WDPCP: variants seen among roughly 807,000 people sequenced by gnomAD.
WDPCP encodes WD repeat containing planar cell polarity effector.
In WDPCP, 71 loss-of-function variants were observed where a neutral mutation model predicts 93.1. The ratio of observed to expected loss-of-function variants is 0.76; its 90% CI spans 0.63 to 0.93. The LOEUF (loss-of-function observed/expected upper bound fraction) is 0.93, where lower values mean the gene tolerates loss of function less well. WDPCP is among the 40% of genes least tolerant of loss of function. WDPCP has a pLI of 0.00. For synonymous variants in WDPCP, 315 were observed against 315.0 expected (o/e 1.00, Z 0.00); for missense variants, 844 against 887.4 (o/e 0.95, Z 0.62).
At chr2:63,787,283 A>T (rs868046325) in intron 2 of WDPCP, among the ~76,000 whole-genome samples, 1 of 152,236 alleles carries the variant, frequency 6.6e-6, no homozygotes, top group African/African-American at 2.4e-5. Context: ...AGAGACAGGC[A>T]TCCAAGACAA....
intron 9 of WDPCP, among the ~76,000 whole-genome samples, chr2:63,406,768 G>T (rs1328825122): frequency 6.6e-6 from 1 of 152,154 alleles, no homozygotes; most frequent in Non-Finnish European, 1.5e-5. Context: ...ATTTTTCTCT[G>T]TGTCTCTGTG....
chr2:63,776,645 G>A (rs1253808098), intron 2 of WDPCP, among the ~76,000 whole-genome samples: 14 of 138,720 alleles, frequency 1.0e-4, no homozygotes, highest in Admixed American at 5.2e-4. Flanking sequence ...AACAGAGTGA[G>A]GCCCTGTCTC....
At chr2:63,644,243 CTTTTTT>C (rs1167296293) in intron 3 of WDPCP, among the ~76,000 whole-genome samples, 7 of 118,488 alleles carry the variant, frequency 5.9e-5, no homozygotes, top group African/African-American at 2.3e-4. Flanking sequence ...TTCTCCTCTA[CTTTTTT>C]TTTTTTTTTT....
At chr2:63,524,639 C>G (rs1157094299) in intron 1 of WDPCP, among the ~76,000 whole-genome samples, 2 of 152,192 alleles carry the variant, frequency 1.3e-5, no homozygotes, top group Non-Finnish European at 2.9e-5. Context: ...AAACCTAAAA[C>G]TATGAAAACC....
chr2:63,593,771 T>C (rs545247661), upstream of WDPCP: 35 of 432,078 alleles, frequency 8.1e-5, 2 homozygotes, highest in Non-Finnish European at 1.6e-4. Context: ...TTAATAGATA[T>C]ATTTCTATCT....
At chr2:63,713,388 A>G (rs1669290211) in intron 2 of WDPCP, among the ~76,000 whole-genome samples, 1 of 152,182 alleles carries the variant, frequency 6.6e-6, no homozygotes, top group African/African-American at 2.4e-5. Flanking sequence ...ATTGTCTCCT[A>G]CAACCTTTCA....
chr2:63,250,902 C>T (rs1680657458), intron 14 of WDPCP, among the ~76,000 whole-genome samples: 1 of 152,106 alleles, frequency 6.6e-6, no homozygotes, highest in Non-Finnish European at 1.5e-5. Context: ...TGCTATAGAG[C>T]ACTGGCTCTC....
intron 2 of WDPCP, among the ~76,000 whole-genome samples, chr2:63,754,237 G>A (rs1046693071): frequency 6.6e-6 from 1 of 152,188 alleles, no homozygotes; most frequent in Non-Finnish European, 1.5e-5. Flanking sequence ...CTCTAGAGAA[G>A]AGGGCTAGCT....
At chr2:63,250,232 G>A (rs908982528) in intron 14 of WDPCP, among the ~76,000 whole-genome samples, 3 of 152,166 alleles carry the variant, frequency 2.0e-5, no homozygotes, top group African/African-American at 4.8e-5. Flanking sequence ...GCTGCTAAGT[G>A]ACTTATGGGC....
intron 1 of WDPCP, among the ~76,000 whole-genome samples, chr2:63,547,556 T>TAC (rs1553429504): frequency 2.3e-3 from 11 of 4,778 alleles, no homozygotes; most frequent in African/African-American, 0.011. Flanking sequence ...GTGGTATGTA[T>TAC]ACACACACAC....
chr2:63,551,011 G>A (rs1705594289), intron 1 of WDPCP, among the ~76,000 whole-genome samples: 1 of 151,970 alleles, frequency 6.6e-6, no homozygotes, highest in African/African-American at 2.4e-5. Flanking sequence ...TAAGTCTTTT[G>A]TCCTCCTTCT....
At chr2:63,476,418 C>T (rs548252568) in intron 6 of WDPCP, among the ~76,000 whole-genome samples, 3 of 152,204 alleles carry the variant, frequency 2.0e-5, no homozygotes, top group African/African-American at 7.2e-5. Context: ...AATACTTTTC[C>T]TTTCGGCTTA....
intron 2 of WDPCP, among the ~76,000 whole-genome samples, chr2:63,737,417 A>G (rs1173630193): frequency 6.6e-6 from 1 of 152,246 alleles, no homozygotes; most frequent in Non-Finnish European, 1.5e-5. Flanking sequence ...CTTTGGGGTC[A>G]CAGAACTCAG....
intron 14 of WDPCP, among the ~76,000 whole-genome samples, chr2:63,258,279 G>A (rs967577668): frequency 6.6e-6 from 1 of 152,126 alleles, no homozygotes; most frequent in Non-Finnish European, 1.5e-5. Flanking sequence ...TATGAAAGTG[G>A]TCTAATCAAT....
At chr2:63,784,571 A>AGGGT in intron 2 of WDPCP, among the ~76,000 whole-genome samples, 1 of 145,648 alleles carries the variant, frequency 6.9e-6, no homozygotes, top group East Asian at 2.0e-4. Flanking sequence ...CTCTAGCTGG[A>AGGGT]GTGTGTGTGT....
At chr2:63,124,064 A>T (rs1282541497) in intron 17 of WDPCP, among the ~76,000 whole-genome samples, 1 of 148,664 alleles carries the variant, frequency 6.7e-6, no homozygotes, top group Non-Finnish European at 1.5e-5. Context: ...CTTCTTTTTC[A>T]TAAATAACCC....
At chr2:63,333,925 T>C (rs1179118351) in intron 12 of WDPCP, among the ~76,000 whole-genome samples, 1 of 152,196 alleles carries the variant, frequency 6.6e-6, no homozygotes, top group Non-Finnish European at 1.5e-5. Context: ...AAAAACCCAC[T>C]TGTAATAAGT....
At chr2:63,460,562 G>C (rs534822870) in intron 6 of WDPCP, among the ~76,000 whole-genome samples, 2 of 152,064 alleles carry the variant, frequency 1.3e-5, no homozygotes, top group African/African-American at 4.8e-5. Flanking sequence ...CACATTCTTT[G>C]CATATAAACA....
At chr2:63,202,332 G>A (rs186161993) in intron 14 of WDPCP, among the ~76,000 whole-genome samples, 81 of 151,786 alleles carry the variant, frequency 5.3e-4, no homozygotes, top group African/African-American at 1.8e-3. Flanking sequence ...TATTGTTTCT[G>A]TTCTTTGAAA....
Sources: gnomAD v4.1 joint callset for allele counts (sites outside exome capture counted in the v4.1 genomes callset) on GRCh38, gnomAD v4.1.1 for gene constraint, MANE v1.5 for transcripts, NCBI Gene and HGNC (gene_info 2026-07-23, HGNC 2026-07-21) for gene names.